B3GALT4: variants seen among roughly 807,000 people sequenced by gnomAD.
The protein encoded by B3GALT4 is beta-1,3-galactosyltransferase 4, also known as UDP-Gal:betaGlcNAc beta 1,3-galactosyltransferase 4.
Under a neutral mutation model 1.6 loss-of-function variants are expected in B3GALT4, and 1 was observed. The ratio of observed to expected loss-of-function variants is 0.64; its 90% confidence interval spans 0.23 to 3.05. The LOEUF (loss-of-function observed/expected upper bound fraction) is 3.05, where lower values mean the gene tolerates loss of function less well. B3GALT4 is among the 30% of genes most tolerant of loss of function. The probability of loss-of-function intolerance (pLI) is 0.21; values close to 1 mark genes in which losing one functional copy is unlikely to be tolerated. For synonymous variants in B3GALT4, 259 were observed against 222.6 expected, an observed-to-expected ratio of 1.16 and a Z score of -1.46; for missense variants, 441 against 486.9, an observed-to-expected ratio of 0.91 and a Z score of 0.89.
rs1165688668 is a variant in B3GALT4, at chr6:33,277,327, G to T, written c.-93G>T. 1 of 1,502,972 alleles carries T rather than the reference G, an allele frequency of 6.7e-7. No individual in the cohort carries two copies. Among genetic ancestry groups the T allele is most frequent in the Non-Finnish European group, 8.8e-7 (1 of 1,135,038 alleles). The allele number at this position is 1,502,972 out of a possible 1,614,324, so 93.1% of individuals were successfully genotyped here. A position where few individuals can be genotyped will look rare whatever the true frequency, so the allele number is the denominator to read the frequency against. ...CGCGCGCTCAGACCTCCGCATCCCG[G>T]GCGTGGTCGGTTAAGTCCCCGGCCG... On this transcript the variant is annotated 5_prime_UTR_variant, in exon 1 of 1. Transcript: ENST00000451237. This position sits in a 1 kb window ranked among gnomAD's most constrained non-coding sequence, Gnocchi z 5.3.
In B3GALT4 at chr6:33,277,901, C is replaced by A; in HGVS notation, c.482C>A (p.Ala161Asp). 1 of 1,614,134 alleles carries A rather than the reference C, an allele frequency of 6.2e-7. No individual in the cohort carries two copies. Among genetic ancestry groups the A allele is most frequent in the Non-Finnish European group, 8.5e-7 (1 of 1,180,030 alleles). ...AAGACCCTCAGCGGGCTGAACTGGGCTGAGAAACACTGCCCCATGGCCCGA... is the reference window on the plus strand; with the variant it reads ...AAGACCCTCAGCGGGCTGAACTGGGATGAGAAACACTGCCCCATGGCCCGA... ...TLKTLSGLNW[A>D]EKHCPMARYV... The change falls in exon 1 of 1, where the codon GCT (alanine) becomes GAT (aspartate). Residue 161 changes from alanine (A) to aspartate (D), a missense_variant. By Grantham distance (126) the Ala-to-Asp change is moderately radical (BLOSUM62 -2). Coordinates refer to ENST00000451237, the MANE Select transcript of B3GALT4 (RefSeq NM_003782.4). This position sits in a 1 kb window ranked among gnomAD's most constrained non-coding sequence, Gnocchi z 5.3.
chr6:33,277,873 C>T lies in B3GALT4; in HGVS notation c.454C>T (p.Leu152=), dbSNP rs759644637. ...CCAGGACTCCTACCGCAACCTCACC[C>T]TAAAGACCCTCAGCGGGCTGAACTG... is the stretch of plus-strand genomic sequence containing the variant. ...AFQDSYRNLT[L]KTLSGLNWAE... Residue 152 remains leucine (L), a synonymous_variant, in exon 1 of 1, where the codon CTA becomes TTA. Coordinates refer to ENST00000451237, the MANE Select transcript of B3GALT4 (RefSeq NM_003782.4). The surrounding 1 kb of genome is among the most constrained non-coding windows in gnomAD (Gnocchi z 5.3). 3 of 1,614,070 alleles carry T rather than the reference C, an allele frequency of 1.9e-6. No individual in the cohort carries two copies. The highest frequency in any genetic ancestry group is 1.7e-6 in the Non-Finnish European group (2 of 1,180,030).
In B3GALT4 at chr6:33,277,407, A is replaced by T. The variant is rs1399575417; in HGVS notation, c.-13A>T. The T allele has an allele frequency of 6.2e-7, 1 of 1,608,128 alleles. No individual in the cohort carries two copies. The highest frequency in any genetic ancestry group is 1.3e-5 in the African/African-American group (1 of 74,946). On this transcript the variant is annotated 5_prime_UTR_variant, in exon 1 of 1. Coordinates refer to ENST00000451237, the MANE Select transcript of B3GALT4 (RefSeq NM_003782.4). The surrounding 1 kb of genome is among the most constrained non-coding windows in gnomAD (Gnocchi z 5.3). ...CCTTCGCTCTTACGGATCCCCTCGGAGTACGCCGCACCATGCAGCTCAGGC... is the reference window on the plus strand; with the variant it reads ...CCTTCGCTCTTACGGATCCCCTCGGTGTACGCCGCACCATGCAGCTCAGGC...
At position 33,277,411 on chromosome 6, in the gene B3GALT4, C is replaced by G. The variant is rs1239034859; in HGVS notation, c.-9C>G. On this transcript the variant is annotated 5_prime_UTR_variant, in exon 1 of 1. Transcript: ENST00000451237. The surrounding 1 kb of genome is among the most constrained non-coding windows in gnomAD (Gnocchi z 5.3). The stretch of plus-strand genomic sequence containing the variant: ...CGCTCTTACGGATCCCCTCGGAGTA[C>G]GCCGCACCATGCAGCTCAGGCTCTT... The G allele has an allele frequency of 6.8e-6, 11 of 1,609,026 alleles. No homozygotes were observed. The African/African-American group carries it at 1.2e-4, about 18-fold the overall frequency.
Position 33,278,175 on chromosome 6 carries a change from TCA to T in B3GALT4, c.760_761del (p.Thr254LeufsTer96). ...RHRVSEEQWP[H>X]TWGPFPPYAS... is the part of the protein sequence containing the mutation. ...ACCGCGTATCAGAGGAGCAGTGGCC[TCA>T]CACCTGGGGCCCCTTTCCACCCTAT... On this transcript the variant is annotated frameshift_variant, in exon 1 of 1. Transcript: ENST00000451237. LOFTEE classifies it low-confidence loss of function (END_TRUNC). This position sits in a 1 kb window ranked among gnomAD's most constrained non-coding sequence, Gnocchi z 5.2. 1 of 1,612,714 alleles carries T rather than the reference TCA, an allele frequency of 6.2e-7. No individual in the cohort carries two copies. Among genetic ancestry groups the T allele is most frequent in the African/African-American group, 1.3e-5 (1 of 75,032 alleles).
At position 33,277,603 on chromosome 6, in the gene B3GALT4, GA is replaced by G; in HGVS notation, c.186del (p.Ala63LeufsTer22). Reference protein sequence around the residue: ...ALPRLLIPNQEACSGPGAPPF... With the variant: ...ALPRLLIPNQXACSGPGAPPF... ...GCCCCGCCTCTTGATCCCCAACCAG[GA>G]AGCTTGCAGTGGTCCCGGGGCCCCT... On this transcript the variant is annotated frameshift_variant, in exon 1 of 1. Transcript: ENST00000451237. LOFTEE classifies it low-confidence loss of function (END_TRUNC). The surrounding 1 kb of genome is among the most constrained non-coding windows in gnomAD (Gnocchi z 5.3). The G allele has an allele frequency of 6.2e-7, 1 of 1,612,614 alleles. No homozygotes were observed. Among genetic ancestry groups the G allele is most frequent in the Non-Finnish European group, 8.5e-7 (1 of 1,179,328 alleles).
chr6:33,277,936 A>G lies in B3GALT4; in HGVS notation c.517A>G (p.Lys173Glu). The G allele has an allele frequency of 6.2e-7, 1 of 1,614,180 alleles. No individual in the cohort carries two copies. Among genetic ancestry groups the G allele is most frequent in the East Asian group, 2.2e-5 (1 of 44,882 alleles). ...CTGCCCCATGGCCCGATACGTCCTC[A>G]AGACGGACGATGATGTGTATGTCAA... Reference protein sequence around the residue: ...KHCPMARYVLKTDDDVYVNVP... With the variant: ...KHCPMARYVLETDDDVYVNVP... The change falls in exon 1 of 1, where the codon AAG becomes GAG. Residue 173 changes from lysine to glutamate, a missense_variant. Lys to Glu is a moderately conservative substitution (Grantham distance 56). Coordinates refer to ENST00000451237, the MANE Select transcript of B3GALT4 (RefSeq NM_003782.4). This position sits in a 1 kb window ranked among gnomAD's most constrained non-coding sequence, Gnocchi z 5.3.
In B3GALT4 at chr6:33,277,598, A is replaced by G; in HGVS notation, c.179A>G (p.Asn60Ser). 1 of 1,612,344 alleles carries G rather than the reference A, an allele frequency of 6.2e-7. No individual in the cohort carries two copies. Among genetic ancestry groups the G allele is most frequent in the South Asian group, 1.1e-5 (1 of 90,986 alleles). ...GCCCTGCCCCGCCTCTTGATCCCCAACCAGGAAGCTTGCAGTGGTCCCGGG... is the reference window on the plus strand; with the variant it reads ...GCCCTGCCCCGCCTCTTGATCCCCAGCCAGGAAGCTTGCAGTGGTCCCGGG... ...PLALPRLLIP[N>S]QEACSGPGAP... Residue 60 changes from asparagine to serine, a missense_variant, in exon 1 of 1, where the codon AAC becomes AGC. Transcript: ENST00000451237. This position sits in a 1 kb window ranked among gnomAD's most constrained non-coding sequence, Gnocchi z 5.3.
In B3GALT4 at chr6:33,277,218, A is replaced by G; in HGVS notation, c.-202A>G. 2 of 829,936 alleles carry G rather than the reference A, an allele frequency of 2.4e-6. No homozygotes were observed. Among genetic ancestry groups the G allele is most frequent in the Non-Finnish European group, 3.4e-6 (2 of 580,430 alleles). 51.4% of individuals were successfully genotyped at this position (829,936 alleles called of 1,614,324 possible). On this transcript the variant is annotated 5_prime_UTR_variant, in exon 1 of 1. Coordinates refer to ENST00000451237, the MANE Select transcript of B3GALT4 (RefSeq NM_003782.4). This position sits in a 1 kb window ranked among gnomAD's most constrained non-coding sequence, Gnocchi z 5.3. ...TGCTGGCGGCGAGGCCGCGGCGACA[A>G]GGTAGCCACCCCCGCAGCATGCCTC... is the stretch of plus-strand genomic sequence containing the variant.
In B3GALT4 at chr6:33,277,989, C is replaced by A. The variant is rs757581233; in HGVS notation, c.570C>A (p.Val190=). The change falls in exon 1 of 1, where the codon GTC becomes GTA. Residue 190 remains valine, a synonymous_variant. Transcript: ENST00000451237. The surrounding 1 kb of genome is among the most constrained non-coding windows in gnomAD (Gnocchi z 5.3). ...VNVPELVSEL[V]LRGGRWGQWE... ...TCCCTGAACTGGTATCAGAGCTGGTCTTGCGAGGGGGCCGTTGGGGGCAAT... is the reference window on the plus strand; with the variant it reads ...TCCCTGAACTGGTATCAGAGCTGGTATTGCGAGGGGGCCGTTGGGGGCAAT... The A allele has an allele frequency of 1.9e-6, 3 of 1,614,144 alleles. No individual in the cohort carries two copies. Among genetic ancestry groups the A allele is most frequent in the Non-Finnish European group, 1.7e-6 (2 of 1,180,008 alleles).
Position 33,278,596 on chromosome 6 carries a change from C to T in B3GALT4, c.*40C>T. 3 of 1,511,842 alleles carry T rather than the reference C, an allele frequency of 2.0e-6. No individual in the cohort carries two copies. Among genetic ancestry groups the T allele is most frequent in the Non-Finnish European group, 2.7e-6 (3 of 1,130,392 alleles). 93.7% of individuals were successfully genotyped at this position (1,511,842 alleles called of 1,614,324 possible). A position where few individuals can be genotyped will look rare whatever the true frequency, so the allele number is the denominator to read the frequency against. ...ACAGGAAAGGCAGGAACAGGACCTT[C>T]TCTCTCCCAGGCCCAACGCAGGGGC... On this transcript the variant is annotated 3_prime_UTR_variant, in exon 1 of 1. Transcript: ENST00000451237. This position sits in a 1 kb window ranked among gnomAD's most constrained non-coding sequence, Gnocchi z 5.2.
Position 33,277,908 on chromosome 6 carries a change from A to T in B3GALT4, c.489A>T (p.Lys163Asn), listed in dbSNP as rs774185803. ...TCAGCGGGCTGAACTGGGCTGAGAA[A>T]CACTGCCCCATGGCCCGATACGTCC... ...KTLSGLNWAE[K>N]HCPMARYVLK... Residue 163 changes from lysine to asparagine, a missense_variant, in exon 1 of 1, where the codon AAA (lysine) becomes AAT (asparagine). Physicochemically the swap from Lys to Asn is moderately conservative, Grantham distance 94. Coordinates refer to ENST00000451237, the MANE Select transcript of B3GALT4 (RefSeq NM_003782.4). This position sits in a 1 kb window ranked among gnomAD's most constrained non-coding sequence, Gnocchi z 5.3. 1.2e-6 allele frequency: 2 copies of T among 1,614,006 alleles called. No individual in the cohort carries two copies. The highest frequency in any genetic ancestry group is 2.7e-5 in the African/African-American group (2 of 74,900).
chr6:33,278,747 GA>G lies in B3GALT4; in HGVS notation c.*198del. On this transcript the variant is annotated 3_prime_UTR_variant, in exon 1 of 1. Transcript: ENST00000451237. The surrounding 1 kb of genome is among the most constrained non-coding windows in gnomAD (Gnocchi z 5.2). ...AAGATGGTCATCGGGAAGAGAAAAA[GA>G]AAAAAATGCTGCAGTTGTTCTCTCA... 6.6e-6 allele frequency: 7 copies of G among 1,068,236 alleles called. No individual in the cohort carries two copies. Among genetic ancestry groups the G allele is most frequent in the African/African-American group, 1.6e-5 (1 of 60,972 alleles). 66.2% of individuals were successfully genotyped at this position (1,068,236 alleles called of 1,614,324 possible).
rs2150886474 is a variant in B3GALT4, at chr6:33,277,434, C to T, written c.15C>T (p.Leu5=). The change falls in exon 1 of 1, where the codon CTC becomes CTT. Residue 5 remains leucine, a synonymous_variant. Transcript: ENST00000451237. The surrounding 1 kb of genome is among the most constrained non-coding windows in gnomAD (Gnocchi z 5.3). MQLR[L]FRRLLLAALL... is the part of the protein sequence containing the mutation. The stretch of plus-strand genomic sequence containing the variant: ...TACGCCGCACCATGCAGCTCAGGCT[C>T]TTCCGGCGCCTCCTTCTCGCCGCTT... The T allele has an allele frequency of 1.2e-6, 2 of 1,611,660 alleles. No homozygotes were observed. Among genetic ancestry groups the T allele is most frequent in the Non-Finnish European group, 1.7e-6 (2 of 1,179,946 alleles).
In B3GALT4 at chr6:33,277,628, C is replaced by A. The variant is rs764769925; in HGVS notation, c.209C>A (p.Pro70His). 9 of 1,613,540 alleles carry A rather than the reference C, an allele frequency of 5.6e-6. 1 individual carries two copies. In the Admixed American group the frequency reaches 1.0e-4, roughly 18 times the overall value. ...GAAGCTTGCAGTGGTCCCGGGGCCC[C>A]TCCCTTCCTGCTCATCCTGGTGTGC... ...NQEACSGPGAPPFLLILVCTA... is the reference protein window; with the variant it reads ...NQEACSGPGAHPFLLILVCTA... The change falls in exon 1 of 1, where the codon CCT becomes CAT. Residue 70 changes from proline to histidine, a missense_variant. Coordinates refer to ENST00000451237, the MANE Select transcript of B3GALT4 (RefSeq NM_003782.4). This position sits in a 1 kb window ranked among gnomAD's most constrained non-coding sequence, Gnocchi z 5.3.
In B3GALT4 at chr6:33,277,124, G is replaced by C. The variant is rs1286753132; in HGVS notation, c.-296G>C. ...GCGCGCAACGCGGAAGCGGGCGGCA[G>C]ACCGGCCGCCGGGGCGAGGCGGGGG... On this transcript the variant is annotated 5_prime_UTR_variant, in exon 1 of 1. Transcript: ENST00000451237. The surrounding 1 kb of genome is among the most constrained non-coding windows in gnomAD (Gnocchi z 5.3). 1.4e-5 allele frequency: 5 copies of C among 363,856 alleles called. No individual in the cohort carries two copies. The highest frequency in any genetic ancestry group is 2.4e-5 in the Non-Finnish European group (5 of 206,582). The allele number at this position is 363,856 out of a possible 1,614,324, so 22.5% of individuals were successfully genotyped here. A position where few individuals can be genotyped will look rare whatever the true frequency, so the allele number is the denominator to read the frequency against.
chr6:33,277,792 G>A lies in B3GALT4; in HGVS notation c.373G>A (p.Gly125Arg), dbSNP rs150668660. The A allele has an allele frequency of 2.4e-5, 39 of 1,613,734 alleles. No homozygotes were observed. Among genetic ancestry groups the A allele is most frequent in the Admixed American group, 1.3e-4 (8 of 60,026 alleles). The change falls in exon 1 of 1, where the codon GGG (glycine) becomes AGG (arginine). Residue 125 changes from glycine (G) to arginine (R), a missense_variant. Coordinates refer to ENST00000451237, the MANE Select transcript of B3GALT4 (RefSeq NM_003782.4). This position sits in a 1 kb window ranked among gnomAD's most constrained non-coding sequence, Gnocchi z 5.3. ...ACAGCACCCCGTGTGGGGTTCCCAG[G>A]GGAGTGACCTGGCCTCGGAGTCAGC... is the stretch of plus-strand genomic sequence containing the variant. ...NAQHPVWGSQ[G>R]SDLASESAAQ...
At position 33,277,415 on chromosome 6, in the gene B3GALT4, G is replaced by A; in HGVS notation, c.-5G>A. On this transcript the variant is annotated 5_prime_UTR_variant, in exon 1 of 1. Coordinates refer to ENST00000451237, the MANE Select transcript of B3GALT4 (RefSeq NM_003782.4). This position sits in a 1 kb window ranked among gnomAD's most constrained non-coding sequence, Gnocchi z 5.3. ...CTTACGGATCCCCTCGGAGTACGCCGCACCATGCAGCTCAGGCTCTTCCGG... is the reference window on the plus strand; with the variant it reads ...CTTACGGATCCCCTCGGAGTACGCCACACCATGCAGCTCAGGCTCTTCCGG... 1.9e-6 allele frequency: 3 copies of A among 1,609,668 alleles called. No individual in the cohort carries two copies. Among genetic ancestry groups the A allele is most frequent in the Non-Finnish European group, 2.5e-6 (3 of 1,179,600 alleles).
Position 33,277,647 on chromosome 6 carries a change from G to T in B3GALT4, c.228G>T (p.Leu76=), listed in dbSNP as rs1398297857. The part of the protein sequence containing the change: ...GPGAPPFLLI[L]VCTAPENLNQ... ...GGGCCCCTCCCTTCCTGCTCATCCT[G>T]GTGTGCACGGCTCCGGAGAACCTGA... Residue 76 remains leucine (L), a synonymous_variant, in exon 1 of 1, where the codon CTG becomes CTT. Transcript: ENST00000451237. The surrounding 1 kb of genome is among the most constrained non-coding windows in gnomAD (Gnocchi z 5.3). The T allele has an allele frequency of 7.4e-6, 12 of 1,613,914 alleles. No homozygotes were observed. Among genetic ancestry groups the T allele is most frequent in the Non-Finnish European group, 1.0e-5 (12 of 1,180,024 alleles).
Sources: allele counts gnomAD v4.1 joint callset, GRCh38; gene constraint gnomAD v4.1.1; non-coding constraint Gnocchi (gnomAD v3.1); transcripts MANE v1.5; gene names NCBI Gene and HGNC (gene_info 2026-07-23, HGNC 2026-07-21).